Variants in MAP4K4 observed in about 807,000 individuals in gnomAD.
The protein encoded by MAP4K4 is HPK/GCK-like kinase HGK.
Under a neutral mutation model 189.6 loss-of-function variants are expected in MAP4K4, and 38 were observed. That is an observed-to-expected ratio of 0.20 (90% confidence interval 0.15 to 0.26). The LOEUF is 0.26. Ranked by LOEUF, MAP4K4 falls within the 10% of genes least tolerant of loss-of-function variation. The probability of loss-of-function intolerance (pLI) is 1.00; values close to 1 mark genes in which losing one functional copy is unlikely to be tolerated. For synonymous variants in MAP4K4, 610 were observed against 624.3 expected (o/e 0.98, Z 0.34); for missense variants, 1,054 against 1,726.9 (o/e 0.61, Z 6.91).
intron 32 of MAP4K4, among the ~76,000 whole-genome samples, chr2:101,889,342 G>C (rs569580008): frequency 6.6e-6 from 1 of 152,252 alleles, no homozygotes; most frequent in Non-Finnish European, 1.5e-5. Flanking sequence ...GATGCCCCTT[G>C]TTAGTCTGTG....
chr2:101,731,442 G>A (rs796141929), intron 2 of MAP4K4, among the ~76,000 whole-genome samples: 1 of 152,110 alleles, frequency 6.6e-6, no homozygotes, highest in East Asian at 2.0e-4. Context: ...AAATTATTAA[G>A]CAAAGAGCAG....
At chr2:101,826,000 A>G (rs2096338213) in intron 5 of MAP4K4, among the ~76,000 whole-genome samples, 1 of 152,216 alleles carries the variant, frequency 6.6e-6, no homozygotes, top group South Asian at 2.1e-4. Flanking sequence ...GTAAAGCCAT[A>G]TTGACAGCAC....
intron 2 of MAP4K4, among the ~76,000 whole-genome samples, chr2:101,745,015 C>A (rs557815071): frequency 6.6e-6 from 1 of 152,098 alleles, no homozygotes; most frequent in African/African-American, 2.4e-5. Context: ...GCAGCATCAC[C>A]TTTTTAGTAT....
chr2:101,869,382 A>G (rs1197373957), intron 21 of MAP4K4, among the ~76,000 whole-genome samples: 1 of 151,082 alleles, frequency 6.6e-6, no homozygotes, highest in Admixed American at 6.6e-5. Context: ...TGGGATTTGA[A>G]CTGTATATGA....
chr2:101,808,798 TTG>T (rs147383853), intron 3 of MAP4K4, among the ~76,000 whole-genome samples: 25 of 150,850 alleles, frequency 1.7e-4, no homozygotes, highest in African/African-American at 3.9e-4. Context: ...TTTAGTTTCA[TTG>T]TGTGTGTGTG....
chr2:101,812,727 G>A (rs1235750178), intron 3 of MAP4K4, among the ~76,000 whole-genome samples: 2 of 152,182 alleles, frequency 1.3e-5, no homozygotes, highest in Non-Finnish European at 2.9e-5. Flanking sequence ...GCTGGATGGG[G>A]TGGTGGGATG....
chr2:101,855,624 G>A (rs2149774037), intron 12 of MAP4K4, among the ~76,000 whole-genome samples: 1 of 151,794 alleles, frequency 6.6e-6, no homozygotes, highest in South Asian at 2.1e-4. Flanking sequence ...TTCTCTTAAT[G>A]TATTTTTCTT....
intron 2 of MAP4K4, among the ~76,000 whole-genome samples, chr2:101,714,669 T>C (rs1343739277): frequency 6.6e-6 from 1 of 152,204 alleles, no homozygotes; most frequent in East Asian, 1.9e-4. Context: ...CCTTTCTAAA[T>C]CATGTGCAGA....
rs544026347 is a variant in MAP4K4, at chr2:101,832,994, T to G, written c.639+1143T>G. The stretch of plus-strand genomic sequence containing the variant: ...GCTGGGGAGGTGGAGGTAGAGGTGC[T>G]TCATGTTGCCTCACAGCAGGGGACA... On this transcript the variant is annotated intron_variant, in intron 7 of 32. Transcript: ENST00000324219. 1.5e-4 allele frequency among the ~76,000 whole-genome samples: 23 copies of G among 152,278 alleles called. No homozygotes were observed. In the East Asian group the frequency reaches 4.1e-3, roughly 27 times the overall value.
At chr2:101,792,597 TCTCCTCCTC>T (rs60472010) in intron 3 of MAP4K4, among the ~76,000 whole-genome samples, 3,327 of 144,898 alleles carry the variant, frequency 0.023, 71 homozygotes, top group Non-Finnish European at 0.038. Context: ...TTCTCCTCCT[TCTCCTCCTC>T]CTCCTCCTCC....
chr2:101,728,552 C>G (rs192816494), intron 2 of MAP4K4, among the ~76,000 whole-genome samples: 14 of 152,212 alleles, frequency 9.2e-5, no homozygotes, highest in Non-Finnish European at 1.6e-4. Flanking sequence ...CGCTCTGTCA[C>G]CCAGGCTGGG....
At chr2:101,742,202 G>A (rs1453122835) in intron 2 of MAP4K4, among the ~76,000 whole-genome samples, 1 of 152,162 alleles carries the variant, frequency 6.6e-6, no homozygotes, top group African/African-American at 2.4e-5. Context: ...GCAGAGTGCT[G>A]TCCAGGAGAG....
At chr2:101,735,582 G>A (rs79778969) in intron 2 of MAP4K4, among the ~76,000 whole-genome samples, 1,647 of 152,202 alleles carry the variant, frequency 0.011, 54 homozygotes, top group East Asian at 0.063. Flanking sequence ...GGGTGGCCAA[G>A]GTCAAGGCAA....
chr2:101,757,661 A>G (rs1208838853), intron 2 of MAP4K4, among the ~76,000 whole-genome samples: 1 of 152,230 alleles, frequency 6.6e-6, no homozygotes, highest in Non-Finnish European at 1.5e-5. Context: ...TCCTATACAT[A>G]CATAGCTAAA....
intron 3 of MAP4K4, among the ~76,000 whole-genome samples, chr2:101,808,782 T>C (rs1411250066): frequency 1.3e-5 from 2 of 152,074 alleles, no homozygotes; most frequent in African/African-American, 4.8e-5. Flanking sequence ...CATTAATGTA[T>C]ATTTTTTTAG....
intron 2 of MAP4K4, among the ~76,000 whole-genome samples, chr2:101,747,265 C>T (rs915770987): frequency 3.9e-5 from 6 of 152,042 alleles, no homozygotes; most frequent in Non-Finnish European, 7.4e-5. Flanking sequence ...ATTATAGGCA[C>T]CTGATACCAG....
chr2:101,721,259 A>G (rs2051743515), intron 2 of MAP4K4, among the ~76,000 whole-genome samples: 1 of 152,146 alleles, frequency 6.6e-6, no homozygotes, highest in African/African-American at 2.4e-5. Flanking sequence ...TTCAAAATCC[A>G]CTTCTGAATG....
At chr2:101,825,668 C>G (rs1162392783) in intron 5 of MAP4K4, among the ~76,000 whole-genome samples, 1 of 152,174 alleles carries the variant, frequency 6.6e-6, no homozygotes, top group Non-Finnish European at 1.5e-5. Flanking sequence ...ATTTACTTTC[C>G]ATGGCATCAT....
At chr2:101,893,542 CAAGAG>C (rs2098596415) in exon 33 of MAP4K4, 1 of 225,724 alleles carries the variant, frequency 4.4e-6, no homozygotes, top group African/African-American at 2.3e-5. Flanking sequence ...GTGTACATAT[CAAGAG>C]AAGAAGGAAA....
Sources: gnomAD v4.1 joint callset for allele counts (sites outside exome capture counted in the v4.1 genomes callset) on GRCh38, gnomAD v4.1.1 for gene constraint, MANE v1.5 for transcripts, NCBI Gene and HGNC (gene_info 2026-07-23, HGNC 2026-07-21) for gene names.